Variants in NSUN6 observed in about 807,000 individuals in gnomAD.
The protein encoded by NSUN6 is tRNA (cytosine(72)-C(5))-methyltransferase NSUN6.
Under a neutral mutation model 58.0 loss-of-function variants are expected in NSUN6, and 64 were observed. The observed-to-expected ratio is 1.10, with a 90% CI of 0.90 to 1.36. The LOEUF (loss-of-function observed/expected upper bound fraction) is 1.36. Ranked by LOEUF, NSUN6 falls within the 40% of genes most tolerant of loss-of-function variation. The pLI is 0.00. For synonymous variants in NSUN6, 231 were observed against 193.9 expected (o/e 1.19, Z -1.59); for missense variants, 701 against 550.1 (o/e 1.27, Z -2.74).
At chr10:18,619,951 C>G in intron 3 of NSUN6, among the ~76,000 whole-genome samples, 1 of 151,898 alleles carries the variant, frequency 6.6e-6, no homozygotes, top group East Asian at 1.9e-4. Flanking sequence ...TATAAAACAT[C>G]CCTTTTTTTT....
intron 7 of NSUN6, among the ~76,000 whole-genome samples, chr10:18,590,410 T>C (rs966212551): frequency 2.6e-5 from 4 of 152,206 alleles, no homozygotes; most frequent in African/African-American, 9.7e-5. Flanking sequence ...GTGGACCTAA[T>C]AGACATCTAC....
chr10:18,568,266 T>C (rs574351259), intron 8 of NSUN6, among the ~76,000 whole-genome samples: 25 of 151,350 alleles, frequency 1.7e-4, no homozygotes, highest in Middle Eastern at 3.4e-3. Flanking sequence ...CTCCATACCA[T>C]TCTCCATTCC....
chr10:18,614,727 G>A lies in NSUN6; in HGVS notation c.422-114C>T, dbSNP rs1244885232. ...AGGCATCAATAGTGGGCATGAAGCA[G>A]TTCAAACTTGCTCATTACCTCAATC... On this transcript the variant is annotated intron_variant, in intron 4 of 10. Transcript: ENST00000377304. 11 of 418,418 alleles carry A rather than the reference G, an allele frequency of 2.6e-5. No individual in the cohort carries two copies. The East Asian group carries it at 3.6e-4, about 14-fold the overall frequency. 25.9% of individuals were successfully genotyped at this position (418,418 alleles called of 1,614,324 possible).
At chr10:18,638,960 A>AC (rs1212875855) in intron 3 of NSUN6, among the ~76,000 whole-genome samples, 3 of 150,354 alleles carry the variant, frequency 2.0e-5, no homozygotes, top group East Asian at 1.9e-4. Context: ...AAAAAAAAAA[A>AC]AAAAAAAAAA....
intron 7 of NSUN6, among the ~76,000 whole-genome samples, chr10:18,587,613 T>G (rs2057212652): frequency 6.6e-6 from 1 of 152,010 alleles, no homozygotes; most frequent in Admixed American, 6.6e-5. Context: ...TGGGACTGGT[T>G]AGGCAGTGGG....
intron 7 of NSUN6, among the ~76,000 whole-genome samples, chr10:18,593,357 G>A (rs1015865451): frequency 2.0e-5 from 3 of 152,132 alleles, no homozygotes; most frequent in African/African-American, 7.2e-5. Flanking sequence ...CCATTACTGG[G>A]CATATACCCA....
chr10:18,611,682 A>T (rs1484400974), intron 5 of NSUN6, among the ~76,000 whole-genome samples: 1 of 151,572 alleles, frequency 6.6e-6, no homozygotes, highest in Admixed American at 6.6e-5. Flanking sequence ...GGCACACACC[A>T]CCATGCCAGG....
intron 6 of NSUN6, among the ~76,000 whole-genome samples, chr10:18,598,314 C>T (rs779493710): frequency 2.0e-5 from 3 of 152,228 alleles, no homozygotes; most frequent in Non-Finnish European, 2.9e-5. Context: ...CTCAGCCCGC[C>T]TGCACCCAGG....
At chr10:18,588,983 G>T (rs950828136) in intron 7 of NSUN6, among the ~76,000 whole-genome samples, 2 of 152,156 alleles carry the variant, frequency 1.3e-5, no homozygotes, top group Non-Finnish European at 2.9e-5. Context: ...AGCTAAAGGA[G>T]CATGTTCTAA....
intron 7 of NSUN6, among the ~76,000 whole-genome samples, chr10:18,587,928 C>T (rs893348669): frequency 1.3e-5 from 2 of 152,058 alleles, no homozygotes; most frequent in East Asian, 1.9e-4. Flanking sequence ...AAGACAGAAC[C>T]GTTTACTCCC....
rs1216955586 is a variant in NSUN6, at chr10:18,606,844, CT to C, written c.657+3000del. 2.0e-5 allele frequency among the ~76,000 whole-genome samples: 3 copies of C among 152,282 alleles called. No homozygotes were observed. The East Asian group carries it at 5.8e-4, about 29-fold the overall frequency. The stretch of plus-strand genomic sequence containing the variant: ...AAGTGATTTGATACATACAAATTCA[CT>C]GCAGTCTTGGTCAACGGTGTTATTA... On this transcript the variant is annotated intron_variant, in intron 6 of 10. Coordinates refer to ENST00000377304, the MANE Select transcript of NSUN6 (RefSeq NM_182543.5).
chr10:18,585,020 G>A (rs1191359671), intron 8 of NSUN6, among the ~76,000 whole-genome samples: 3 of 147,366 alleles, frequency 2.0e-5, no homozygotes, highest in East Asian at 2.0e-4. Flanking sequence ...AGAGAGAGAA[G>A]GACCTAACAG....
intron 8 of NSUN6, among the ~76,000 whole-genome samples, chr10:18,553,482 T>A (rs1328861441): frequency 7.6e-6 from 1 of 131,080 alleles, no homozygotes; most frequent in Admixed American, 7.4e-5. Flanking sequence ...GAATGGAGAA[T>A]GGAATGGAAT....
At chr10:18,621,878 G>C (rs1256327382) in intron 3 of NSUN6, among the ~76,000 whole-genome samples, 1 of 152,184 alleles carries the variant, frequency 6.6e-6, no homozygotes, top group East Asian at 1.9e-4. Flanking sequence ...GAAGGTGATG[G>C]ATGAAACTGT....
At chr10:18,551,763 A>C in intron 9 of NSUN6, 60 bp downstream of exon 9, 1 of 1,405,100 alleles carries the variant, frequency 7.1e-7, no homozygotes, top group Non-Finnish European at 1.0e-6. Flanking sequence ...TGCTGTCAGT[A>C]GTTTAAACAT....
chr10:18,656,713 C>T (rs934632644), upstream of NSUN6, among the ~76,000 whole-genome samples: 1 of 151,568 alleles, frequency 6.6e-6, no homozygotes, highest in African/African-American at 2.4e-5. Context: ...CTTCCTTGAA[C>T]TCTTTAAAAT....
At chr10:18,608,556 C>G (rs1042538114) in intron 6 of NSUN6, among the ~76,000 whole-genome samples, 2 of 148,604 alleles carry the variant, frequency 1.3e-5, no homozygotes, top group African/African-American at 4.9e-5. Flanking sequence ...GGAGGATCAC[C>G]TGAGCCTGGG....
At chr10:18,633,279 G>C (rs961602574) in intron 3 of NSUN6, among the ~76,000 whole-genome samples, 13 of 143,156 alleles carry the variant, frequency 9.1e-5, no homozygotes, top group African/African-American at 2.8e-4. Flanking sequence ...GCGGGGAGGG[G>C]GGAGGGATAG....
chr10:18,620,656 T>C (rs368144160), intron 3 of NSUN6, among the ~76,000 whole-genome samples: 68 of 152,340 alleles, frequency 4.5e-4, no homozygotes, highest in African/African-American at 1.5e-3. Context: ...CCTTCAAGAC[T>C]CAAATGAAAT....
Sources: gnomAD v4.1 joint callset for allele counts (sites outside exome capture counted in the v4.1 genomes callset) on GRCh38, gnomAD v4.1.1 for gene constraint, MANE v1.5 for transcripts, NCBI Gene and HGNC (gene_info 2026-07-23, HGNC 2026-07-21) for gene names.